The following NSRP1 variants were observed in gnomAD, a reference collection of about 807,000 sequenced individuals.
The protein encoded by NSRP1 is coiled-coil domain containing 55.
Under a neutral mutation model 54.7 loss-of-function variants are expected in NSRP1, and 24 were observed. The ratio of observed to expected loss-of-function variants is 0.44; its 90% CI spans 0.32 to 0.62. The LOEUF is 0.62. NSRP1 is among the 20% of genes least tolerant of loss of function. The probability of loss-of-function intolerance (pLI) is 0.06; values close to 1 mark genes in which losing one functional copy is unlikely to be tolerated. For synonymous variants in NSRP1, 210 were observed against 213.8 expected, an observed-to-expected ratio of 0.98 and a Z score of 0.15; for missense variants, 596 against 651.2, an observed-to-expected ratio of 0.92 and a Z score of 0.92.
At chr17:30,132,227 G>C (rs1003101308) in intron 2 of NSRP1, among the ~76,000 whole-genome samples, 3 of 147,144 alleles carry the variant, frequency 2.0e-5, no homozygotes, top group African/African-American at 7.7e-5. Context: ...CAGCCTGGGC[G>C]ACAGAGCGAG....
chr17:30,180,196 G>C (rs1463107697), intron 5 of NSRP1, among the ~76,000 whole-genome samples: 1 of 147,996 alleles, frequency 6.8e-6, no homozygotes, highest in Non-Finnish European at 1.5e-5. Flanking sequence ...TCGCTGTGTC[G>C]CCCAGGCTGG....
chr17:30,137,831 AT>A (rs2151885199), intron 2 of NSRP1, among the ~76,000 whole-genome samples: 1 of 152,242 alleles, frequency 6.6e-6, no homozygotes, highest in Admixed American at 6.5e-5. Context: ...ACTGAATTTT[AT>A]TTGCTGTTTT....
chr17:30,138,726 A>G (rs769327737), intron 2 of NSRP1, among the ~76,000 whole-genome samples: 3 of 151,936 alleles, frequency 2.0e-5, no homozygotes, highest in Admixed American at 6.6e-5. Context: ...TTCTGTGTTT[A>G]AGTTTTTGAG....
chr17:30,132,245 CAAAAAAAAAA>C lies in NSRP1; in HGVS notation c.114+14077_114+14086del, dbSNP rs536072441. 2.6e-3 allele frequency among the ~76,000 whole-genome samples: 292 copies of C among 112,682 alleles called. 2 individuals carry two copies. Among genetic ancestry groups the C allele is most frequent in the African/African-American group, 8.8e-3 (267 of 30,498 alleles). The allele number at this position is 112,682 out of a possible 152,430, so 73.9% of individuals were successfully genotyped here. ...CCTGGGCGACAGAGCGAGACTGTCT[CAAAAAAAAAA>C]AAAAGAAAAGAAAAGAAACCAGTGC... is the stretch of plus-strand genomic sequence containing the variant. On this transcript the variant is annotated intron_variant, in intron 2 of 6. Transcript: ENST00000247026.
intron 2 of NSRP1, among the ~76,000 whole-genome samples, chr17:30,169,846 GAAAA>G (rs968110521): frequency 7.0e-6 from 1 of 142,412 alleles, no homozygotes; most frequent in Admixed American, 7.0e-5. Context: ...TTATTACCAT[GAAAA>G]AAAAAAAGCA....
intron 1 of NSRP1, chr17:30,117,513 G>A (rs1191698311): frequency 1.2e-5 from 5 of 412,616 alleles, no homozygotes. Flanking sequence ...GGTTCTCTCA[G>A]ATGCTCCGAG....
intron 4 of NSRP1, 136 bp downstream of exon 4, chr17:30,178,335 A>G (rs1905194099): frequency 1.1e-6 from 1 of 881,950 alleles, no homozygotes; most frequent in Non-Finnish European, 1.7e-6. Context: ...TCCAGATATT[A>G]CAAATTTGAT....
At chr17:30,120,428 A>G (rs1255923397) in intron 2 of NSRP1, among the ~76,000 whole-genome samples, 1 of 152,230 alleles carries the variant, frequency 6.6e-6, no homozygotes, top group Non-Finnish European at 1.5e-5. Flanking sequence ...TGAATTTTTA[A>G]TTATGTCGTT....
Position 30,179,145 on chromosome 17 carries a change from A to G in NSRP1, c.356A>G (p.Glu119Gly). The G allele has an allele frequency of 6.2e-7, 1 of 1,603,902 alleles. No homozygotes were observed. Among genetic ancestry groups the G allele is most frequent in the Non-Finnish European group, 8.5e-7 (1 of 1,174,070 alleles). Residue 119 changes from glutamate (E) to glycine (G), a missense_variant, in exon 5 of 7, where the codon GAA becomes GGA. Transcript: ENST00000247026. Reference sequence around the variant, plus strand: ...GTTGAGATCAGAAAAAAGGAACAGGAAAAAAGAATGGAAAAGAAAATACAG... The same window carrying G: ...GTTGAGATCAGAAAAAAGGAACAGGGAAAAAGAATGGAAAAGAAAATACAG... The part of the protein sequence containing the change: ...KAVEIRKKEQ[E>G]KRMEKKIQRE...
intron 2 of NSRP1, among the ~76,000 whole-genome samples, chr17:30,131,705 G>A (rs2071701715): frequency 6.6e-6 from 1 of 152,064 alleles, no homozygotes; most frequent in Non-Finnish European, 1.5e-5. Flanking sequence ...TGAAGGCTGG[G>A]TGGCCGTAGC....
At chr17:30,184,452 G>A (rs1474691087) in intron 6 of NSRP1, among the ~76,000 whole-genome samples, 163 bp from the exon 7 acceptor site, 1 of 152,116 alleles carries the variant, frequency 6.6e-6, no homozygotes, top group African/African-American at 2.4e-5. Flanking sequence ...ATACTAGTTT[G>A]CATAGACATC....
intron 1 of NSRP1, 190 bp downstream of exon 1, chr17:30,117,053 AGTTT>A: frequency 1.3e-6 from 1 of 787,108 alleles, no homozygotes; most frequent in Non-Finnish European, 2.3e-6. Context: ...GGAAGCCCGA[AGTTT>A]GAGGGAGAAA....
intron 2 of NSRP1, among the ~76,000 whole-genome samples, chr17:30,160,582 A>G (rs1237356712): frequency 1.3e-5 from 2 of 152,164 alleles, no homozygotes; most frequent in African/African-American, 2.4e-5. Flanking sequence ...TTGTTGGTGT[A>G]TAGTTGTTTG....
intron 1 of NSRP1, 84 bp downstream of exon 1, chr17:30,116,947 T>G: frequency 2.0e-6 from 3 of 1,469,924 alleles, no homozygotes; most frequent in Non-Finnish European, 2.8e-6. Context: ...TTAAATGCGC[T>G]GGAAGTGAAG....
intron 3 of NSRP1, among the ~76,000 whole-genome samples, chr17:30,177,551 A>G (rs1905169620): frequency 6.6e-6 from 1 of 152,154 alleles, no homozygotes; most frequent in Admixed American, 6.5e-5. Flanking sequence ...ACATCATTTG[A>G]GATGGAAGGA....
chr17:30,153,989 G>A (rs554142866), intron 2 of NSRP1, among the ~76,000 whole-genome samples: 1 of 152,208 alleles, frequency 6.6e-6, no homozygotes, highest in South Asian at 2.1e-4. Context: ...GTCCTGGATT[G>A]TTATGGTTGT....
At position 30,178,194 on chromosome 17, in the gene NSRP1, A is replaced by G. The variant is rs2143009827; in HGVS notation, c.295A>G (p.Arg99Gly). Residue 99 changes from arginine (R) to glycine (G), a missense_variant, in exon 4 of 7, where the codon AGA becomes GGA. Physicochemically the swap from Arg to Gly is moderately radical, Grantham distance 125 (BLOSUM62 -2). Transcript: ENST00000247026. The stretch of plus-strand genomic sequence containing the variant: ...TCCCAAATTGCTTTTGGGGAAAGAC[A>G]GAAAGGTTTGTAAGCTGAAATAACA... ...NNPKLLLGKDRKPKYIHNLLK... is the reference protein window; with the variant it reads ...NNPKLLLGKDGKPKYIHNLLK... The G allele has an allele frequency of 6.3e-7, 1 of 1,598,984 alleles. No homozygotes were observed. Among genetic ancestry groups the G allele is most frequent in the East Asian group, 2.2e-5 (1 of 44,698 alleles).
At chr17:30,121,497 T>C (rs1424994579) in intron 2 of NSRP1, among the ~76,000 whole-genome samples, 1 of 148,060 alleles carries the variant, frequency 6.8e-6, no homozygotes, top group Non-Finnish European at 1.5e-5. Context: ...ATTAAAAAAA[T>C]ATATAATTCA....
chr17:30,157,598 G>A (rs1904352747), intron 2 of NSRP1, among the ~76,000 whole-genome samples: 2 of 152,086 alleles, frequency 1.3e-5, no homozygotes, highest in Admixed American at 6.6e-5. Flanking sequence ...AAGTTCCAGT[G>A]TTGGATAGCA....
Sources: allele counts gnomAD v4.1 joint callset (sites outside exome capture counted in the v4.1 genomes callset), GRCh38; gene constraint gnomAD v4.1.1; transcripts MANE v1.5; gene names NCBI Gene and HGNC (gene_info 2026-07-23, HGNC 2026-07-21).